Variants in IDE observed in about 807,000 individuals in gnomAD.
IDE encodes insulin degrading enzyme.
A neutral mutation model predicts 133.2 loss-of-function variants in IDE; 58 were observed. The ratio of observed to expected loss-of-function variants is 0.44; its 90% CI spans 0.35 to 0.54. The LOEUF is 0.54. Among genes scored for constraint, IDE ranks in the 20% least tolerant of loss-of-function variants. The probability of loss-of-function intolerance (pLI) is 0.00; values close to 1 mark genes in which losing one functional copy is unlikely to be tolerated. For synonymous variants in IDE, 396 were observed against 421.3 expected, an observed-to-expected ratio of 0.94 and a Z score of 0.73; for missense variants, 981 against 1,234.0, an observed-to-expected ratio of 0.79 and a Z score of 3.07.
chr10:92,498,169 G>C (rs147334748), intron 11 of IDE, among the ~76,000 whole-genome samples: 1 of 152,190 alleles, frequency 6.6e-6, no homozygotes, highest in African/African-American at 2.4e-5. Flanking sequence ...ATTATATAAA[G>C]TTAACTTTTC....
intron 14 of IDE, 183 bp from the exon 15 acceptor site, chr10:92,479,604 T>C (rs1846485408): frequency 3.7e-6 from 2 of 541,248 alleles, no homozygotes; most frequent in African/African-American, 4.1e-5. Flanking sequence ...GCCTGAAGTG[T>C]GTGTGAGTGT....
rs758010050 is a variant in IDE at position 92,461,121 on chromosome 10, G to A, written c.2823+70C>T. ...CTCCCAAAGTGCTGGGATTACAGGT[G>A]TAGGCCGCCATACCCAGCCCTATAA... is the stretch of plus-strand genomic sequence containing the variant. On this transcript the variant is annotated intron_variant, in intron 22 of 24. Coordinates refer to ENST00000265986, the MANE Select transcript of IDE (RefSeq NM_004969.4). The A allele has an allele frequency of 6.5e-6, 5 of 768,928 alleles. No individual in the cohort carries two copies. In the Admixed American group the frequency reaches 1.0e-4, roughly 16 times the overall value. The allele number at this position is 768,928 out of a possible 1,614,324, so 47.6% of individuals were successfully genotyped here.
chr10:92,537,087 TA>T (rs901005807), intron 2 of IDE, among the ~76,000 whole-genome samples: 42 of 144,664 alleles, frequency 2.9e-4, no homozygotes, highest in African/African-American at 5.8e-4. Flanking sequence ...TGTACCACGG[TA>T]AAAAAAAAAA....
intron 1 of IDE, among the ~76,000 whole-genome samples, chr10:92,558,426 A>G (rs1029318379): frequency 6.6e-6 from 1 of 152,206 alleles, no homozygotes; most frequent in African/African-American, 2.4e-5. Context: ...TAGATATGAC[A>G]TCAAAAGCAC....
chr10:92,455,089 TGA>T (rs1397451107), intron 24 of IDE, among the ~76,000 whole-genome samples: 1 of 152,030 alleles, frequency 6.6e-6, no homozygotes, highest in Non-Finnish European at 1.5e-5. Context: ...GGGTAGAGGC[TGA>T]GTGACTAGAT....
intron 4 of IDE, 112 bp downstream of exon 4, chr10:92,531,636 T>C (rs1849929449): frequency 7.5e-6 from 3 of 400,446 alleles, no homozygotes; most frequent in Middle Eastern, 1.6e-3. Flanking sequence ...GTATATGCCA[T>C]GGGTTATATA....
chr10:92,525,616 C>G (rs1296810067), intron 4 of IDE, among the ~76,000 whole-genome samples: 1 of 152,048 alleles, frequency 6.6e-6, no homozygotes, highest in Non-Finnish European at 1.5e-5. Context: ...ACAACATAAT[C>G]TTATATTTAG....
intron 4 of IDE, among the ~76,000 whole-genome samples, chr10:92,530,156 G>A (rs1849838268): frequency 6.6e-6 from 1 of 152,104 alleles, no homozygotes; most frequent in African/African-American, 2.4e-5. Context: ...AACCTAGGAG[G>A]CAGAGGTTGT....
At chr10:92,455,710 A>C in intron 23 of IDE, 67 bp from the exon 24 acceptor site, 1 of 924,860 alleles carries the variant, frequency 1.1e-6, no homozygotes, top group Non-Finnish European at 1.7e-6. Context: ...CAAAAAAAAA[A>C]AACTAAACCA....
At chr10:92,534,832 A>C in intron 2 of IDE, 47 bp from the exon 3 acceptor site, 1 of 1,401,338 alleles carries the variant, frequency 7.1e-7, no homozygotes, top group Non-Finnish European at 1.0e-6. Context: ...CTATGCTGAA[A>C]GTTAGTAAGT....
chr10:92,573,054 C>A, intron 1 of IDE: 1 of 985,432 alleles, frequency 1.0e-6, no homozygotes, highest in Non-Finnish European at 1.2e-6. Context: ...CTGATTAAAA[C>A]CAGCAGGGGT....
intron 4 of IDE, among the ~76,000 whole-genome samples, chr10:92,524,423 A>AT (rs1849450771): frequency 1.1e-5 from 1 of 92,188 alleles, no homozygotes; most frequent in Non-Finnish European, 2.0e-5. Context: ...TATATTATAT[A>AT]TAATATATTT....
rs79257100 is a variant in IDE at position 92,492,827 on chromosome 10, G to A, written c.1431-2232C>T. 9.1e-3 allele frequency among the ~76,000 whole-genome samples: 1,380 copies of A among 152,252 alleles called. 55 individuals carry two copies. The East Asian group carries it at 0.093, about 10-fold the overall frequency. On this transcript the variant is annotated intron_variant, in intron 11 of 24. Transcript: ENST00000265986. Reference sequence around the variant, plus strand: ...AACCTCCCCAACTTCAACGCTAGTAGTCTGAACTACTGTCTATTTTTTATT... The same window carrying A: ...AACCTCCCCAACTTCAACGCTAGTAATCTGAACTACTGTCTATTTTTTATT...
chr10:92,505,222 A>G (rs1239007471), intron 10 of IDE, among the ~76,000 whole-genome samples: 1 of 152,254 alleles, frequency 6.6e-6, no homozygotes, highest in Non-Finnish European at 1.5e-5. Context: ...AATGAAGAAA[A>G]TTCGATATTA....
intron 14 of IDE, 193 bp from the exon 15 acceptor site, chr10:92,479,614 TG>T: frequency 2.4e-6 from 1 of 424,804 alleles, no homozygotes; most frequent in Non-Finnish European, 4.3e-6. Context: ...TGTGTGAGTG[TG>T]TGTGTGTGTG....
In IDE at chr10:92,504,025, ATT is replaced by A. The variant is rs5786999; in HGVS notation, c.1430+767_1430+768del. Among the ~76,000 whole-genome samples the A allele has an allele frequency of 3.0e-3, 450 of 149,616 alleles. 1 individual carries two copies. The highest frequency in any genetic ancestry group is 9.5e-3 in the African/African-American group (390 of 40,886). ...GAGCCACCGCGCCCAGCCCAAAAAG[ATT>A]TTTTTTTTTTTACAAAAAGTTCTAT... On this transcript the variant is annotated intron_variant, in intron 11 of 24. Coordinates refer to ENST00000265986, the MANE Select transcript of IDE (RefSeq NM_004969.4).
chr10:92,487,756 C>G (rs1171673457), intron 12 of IDE, among the ~76,000 whole-genome samples: 2 of 152,214 alleles, frequency 1.3e-5, no homozygotes, highest in South Asian at 2.1e-4. Context: ...CATGAATGGC[C>G]TGAAAGCCAG....
intron 1 of IDE, among the ~76,000 whole-genome samples, chr10:92,572,688 G>A (rs1359023697): frequency 1.3e-5 from 2 of 152,130 alleles, no homozygotes; most frequent in Non-Finnish European, 2.9e-5. Context: ...TATAATACAG[G>A]ACTTGTGTCC....
At position 92,574,036 on chromosome 10, in the gene IDE, C is replaced by G. The variant is rs1843934968; in HGVS notation, c.-17G>C. On this transcript the variant is annotated 5_prime_UTR_variant, in exon 1 of 25. Coordinates refer to ENST00000265986, the MANE Select transcript of IDE (RefSeq NM_004969.4). Reference sequence around the variant, plus strand: ...GTACCGCATTAGCCAGCGCAGTCGCCGGGATCACCGCAAACGCTTCCTGCT... The same window carrying G: ...GTACCGCATTAGCCAGCGCAGTCGCGGGGATCACCGCAAACGCTTCCTGCT... 9 of 1,504,742 alleles carry G rather than the reference C, an allele frequency of 6.0e-6. No individual in the cohort carries two copies. In the Admixed American group the frequency reaches 1.1e-4, roughly 18 times the overall value. 93.2% of individuals were successfully genotyped at this position (1,504,742 alleles called of 1,614,324 possible). A position where few individuals can be genotyped will look rare whatever the true frequency, so the allele number is the denominator to read the frequency against.
Sources: allele counts gnomAD v4.1 joint callset (sites outside exome capture counted in the v4.1 genomes callset), GRCh38; gene constraint gnomAD v4.1.1; transcripts MANE v1.5; gene names NCBI Gene and HGNC (gene_info 2026-07-23, HGNC 2026-07-21).